Variants in FSTL5 observed in about 807,000 individuals in gnomAD.
FSTL5 encodes the protein follistatin like 5, also known as follistatin-related protein 5.
FSTL5 carries 62 observed loss-of-function variants against 89.1 expected under a neutral mutation model. The ratio of observed to expected loss-of-function variants is 0.70; its 90% CI spans 0.57 to 0.86. FSTL5 has a LOEUF of 0.86. Ranked by LOEUF, FSTL5 falls within the 40% of genes least tolerant of loss-of-function variation. FSTL5 has a pLI of 0.00. For missense variants in FSTL5, 1,057 were observed against 1,001.6 expected, an observed-to-expected ratio of 1.06 and a Z score of -0.75; for synonymous variants, 383 against 346.2, an observed-to-expected ratio of 1.11 and a Z score of -1.18.
At chr4:161,696,580 T>G (rs1418556912) in intron 6 of FSTL5, among the ~76,000 whole-genome samples, 1 of 152,156 alleles carries the variant, frequency 6.6e-6, no homozygotes, top group African/African-American at 2.4e-5. Flanking sequence ...CCTATCCATG[T>G]GCATGGAATG....
chr4:162,025,007 C>T (rs559834115), intron 3 of FSTL5, among the ~76,000 whole-genome samples: 4 of 151,946 alleles, frequency 2.6e-5, no homozygotes, highest in South Asian at 2.1e-4. Flanking sequence ...GAGAGAATAA[C>T]GCTTTACTTC....
intron 6 of FSTL5, among the ~76,000 whole-genome samples, chr4:161,680,574 G>A (rs1283909588): frequency 2.0e-5 from 3 of 150,922 alleles, no homozygotes; most frequent in Admixed American, 2.0e-4. Context: ...ACAAGAATGT[G>A]GTATACACAT....
At chr4:162,118,334 C>T (rs1731727567) in intron 1 of FSTL5, among the ~76,000 whole-genome samples, 1 of 152,082 alleles carries the variant, frequency 6.6e-6, no homozygotes, top group Non-Finnish European at 1.5e-5. Context: ...GATCTCGGCT[C>T]ACTGCAAGCT....
chr4:161,610,363 G>T (rs913311293), intron 7 of FSTL5, among the ~76,000 whole-genome samples: 1 of 152,142 alleles, frequency 6.6e-6, no homozygotes, highest in African/African-American at 2.4e-5. Flanking sequence ...AGATGACTTA[G>T]TCAAAAATGG....
At chr4:161,436,303 G>T (rs892587883) in intron 15 of FSTL5, among the ~76,000 whole-genome samples, 4 of 152,140 alleles carry the variant, frequency 2.6e-5, no homozygotes, top group African/African-American at 9.7e-5. Context: ...TTTCTCAGGA[G>T]ATTTACATAC....
At chr4:162,127,225 T>C (rs1363953063) in intron 1 of FSTL5, among the ~76,000 whole-genome samples, 1 of 152,214 alleles carries the variant, frequency 6.6e-6, no homozygotes, top group Non-Finnish European at 1.5e-5. Context: ...CCTTGACTTT[T>C]GCCAGTTATG....
chr4:161,908,995 T>C (rs894195113), intron 4 of FSTL5, among the ~76,000 whole-genome samples: 7 of 152,274 alleles, frequency 4.6e-5, no homozygotes, highest in Middle Eastern at 6.8e-3. Flanking sequence ...GGAAAACTCA[T>C]TGAAATTCAA....
chr4:162,035,530 C>T (rs1237618279), intron 2 of FSTL5: 1 of 151,964 alleles, frequency 6.6e-6, no homozygotes, highest in Non-Finnish European at 1.5e-5. Flanking sequence ...TGTGTGTGGA[C>T]TGGATCAAAG....
chr4:161,801,315 C>G (rs1207005827), intron 4 of FSTL5, among the ~76,000 whole-genome samples: 1 of 151,438 alleles, frequency 6.6e-6, no homozygotes, highest in Non-Finnish European at 1.5e-5. Context: ...AATTGGCAAA[C>G]AGTAGGGGTT....
intron 15 of FSTL5, among the ~76,000 whole-genome samples, chr4:161,427,387 A>G (rs1267071769): frequency 2.0e-5 from 3 of 152,294 alleles, no homozygotes; most frequent in Admixed American, 6.5e-5. Flanking sequence ...AGCTGCTCTG[A>G]GGCAGTGGCT....
chr4:161,648,388 AT>A (rs1206342740), intron 7 of FSTL5, among the ~76,000 whole-genome samples: 3 of 152,176 alleles, frequency 2.0e-5, no homozygotes, highest in Non-Finnish European at 2.9e-5. Context: ...GCAGCGGGGC[AT>A]GAAGAAGTGA....
intron 4 of FSTL5, among the ~76,000 whole-genome samples, chr4:161,868,343 G>A (rs547009470): frequency 1.3e-5 from 2 of 151,832 alleles, no homozygotes; most frequent in Non-Finnish European, 2.9e-5. Flanking sequence ...ACAAAAATAC[G>A]GTTGTCACCT....
chr4:161,758,605 G>A (rs544370023), intron 6 of FSTL5, among the ~76,000 whole-genome samples: 23 of 152,028 alleles, frequency 1.5e-4, no homozygotes, highest in African/African-American at 5.5e-4. Flanking sequence ...TGCAACCTCC[G>A]CCCCCGGGTT....
At chr4:161,963,383 T>C (rs1735234914) in intron 3 of FSTL5, among the ~76,000 whole-genome samples, 1 of 151,948 alleles carries the variant, frequency 6.6e-6, no homozygotes, top group Non-Finnish European at 1.5e-5. Flanking sequence ...AATTAAAGCA[T>C]TCTTACCTAG....
intron 13 of FSTL5, among the ~76,000 whole-genome samples, chr4:161,474,294 A>C (rs1221573186): frequency 1.3e-5 from 2 of 152,202 alleles, no homozygotes; most frequent in African/African-American, 4.8e-5. Flanking sequence ...CAAAAAAATA[A>C]ACAAATAATT....
chr4:161,487,620 AT>A (rs111337565), intron 12 of FSTL5, among the ~76,000 whole-genome samples: 2 of 151,388 alleles, frequency 1.3e-5, no homozygotes, highest in Non-Finnish European at 3.0e-5. Context: ...AAAATCAGTG[AT>A]TTTTTTTTCT....
At chr4:162,027,423 G>A (rs1737337859) in intron 3 of FSTL5, among the ~76,000 whole-genome samples, 1 of 151,894 alleles carries the variant, frequency 6.6e-6, no homozygotes, top group Non-Finnish European at 1.5e-5. Context: ...ATTGTTTATT[G>A]GAACTGAAAT....
intron 4 of FSTL5, 92 bp from the exon 5 acceptor site, chr4:161,776,166 T>G (rs957331656): frequency 1.6e-6 from 1 of 632,518 alleles, no homozygotes; most frequent in African/African-American, 1.9e-5. Flanking sequence ...ATGAATAACA[T>G]ACTATGTACA....
At chr4:162,076,672 A>G (rs1236967861) in intron 2 of FSTL5, among the ~76,000 whole-genome samples, 1 of 151,810 alleles carries the variant, frequency 6.6e-6, no homozygotes, top group East Asian at 2.0e-4. Flanking sequence ...GAGAAAGAAT[A>G]CAAATATGAG....
Sources: gnomAD v4.1 joint callset for allele counts (sites outside exome capture counted in the v4.1 genomes callset) on GRCh38, gnomAD v4.1.1 for gene constraint, MANE v1.5 for transcripts, NCBI Gene and HGNC (gene_info 2026-07-23, HGNC 2026-07-21) for gene names.